PRDM15: variants seen among roughly 807,000 people sequenced by gnomAD.
PRDM15 encodes the protein PR/SET domain 15.
A neutral mutation model predicts 128.6 loss-of-function variants in PRDM15; 64 were observed. The ratio of observed to expected loss-of-function variants is 0.50; its 90% CI spans 0.41 to 0.61. The LOEUF is 0.61. PRDM15 is among the 20% of genes least tolerant of loss of function. The pLI, the probability that PRDM15 is intolerant of heterozygous loss-of-function variation, is 0.00. For missense variants in PRDM15, 1,242 were observed against 1,569.1 expected (o/e 0.79, Z 3.52); for synonymous variants, 615 against 621.8 (o/e 0.99, Z 0.16).
rs2063850790 is a variant in PRDM15, at chr21:41,862,463, A to G, written c.-9-2091T>C. Among the ~76,000 whole-genome samples the G allele has an allele frequency of 6.6e-6, 1 of 152,128 alleles. No individual in the cohort carries two copies. The highest frequency in any genetic ancestry group is 2.1e-4 in the South Asian group (1 of 4,824). On this transcript the variant is annotated intron_variant, in intron 1 of 23. Transcript: ENST00000398548. This position sits in a 1 kb window ranked among gnomAD's most constrained non-coding sequence, Gnocchi z 4.1. Reference sequence around the variant, plus strand: ...CACCCCTTCTAGGTGCCCCCAAAAAAGGTCCCCTCTGAGCGGAGCTGCTGG... The same window carrying G: ...CACCCCTTCTAGGTGCCCCCAAAAAGGGTCCCCTCTGAGCGGAGCTGCTGG...
In PRDM15 at chr21:41,819,704, G is replaced by A. The variant is rs1354988283; in HGVS notation, c.2141-3C>T. 1.3e-6 allele frequency: 2 copies of A among 1,596,812 alleles called. No individual in the cohort carries two copies. The highest frequency in any genetic ancestry group is 1.1e-5 in the South Asian group (1 of 89,232). On this transcript the variant is annotated splice_polypyrimidine_tract_variant and splice_region_variant and intron_variant, in intron 17 of 23. Transcript: ENST00000398548. ...CTCGCAGGCGTGGCTCTTCACACCT[G>A]AGAACACAGGCATCTGCCACTCAGA...
At position 41,839,662 on chromosome 21, in the gene PRDM15, C is replaced by T. The variant is rs776498158; in HGVS notation, c.832G>A (p.Glu278Lys). 5.0e-6 allele frequency: 8 copies of T among 1,614,128 alleles called. No individual in the cohort carries two copies. Among genetic ancestry groups the T allele is most frequent in the Middle Eastern group, 1.6e-4 (1 of 6,084 alleles). ...RGRKPKVSKA[E>K]QPLVIVEDKE... is the part of the protein sequence containing the mutation. ...TCTTCCACGATGACTAGAGGCTGCT[C>T]AGCTTTGGACACTTTGGGTTTTCTC... Residue 278 changes from glutamate to lysine, a missense_variant, in exon 7 of 24, where the codon GAG (glutamate) becomes AAG (lysine). Physicochemically the swap from Glu to Lys is moderately conservative, Grantham distance 56. Around this residue, in one of 3 missense-constraint regions of PRDM15, gnomAD observed 612 missense variants for 717.0 expected, o/e 0.85. Transcript: ENST00000398548.
rs2061865560 is a variant in PRDM15 at position 41,811,630 on chromosome 21, CAG to C, written c.2393-796_2393-795del. The stretch of plus-strand genomic sequence containing the variant: ...CATCACTGCACTCCAGCATGAGCAA[CAG>C]AGAGACCCCATCTCTAACAACAGAA... On this transcript the variant is annotated intron_variant, in intron 19 of 23. Transcript: ENST00000398548. This position sits in a 1 kb window ranked among gnomAD's most constrained non-coding sequence, Gnocchi z 4.1. 6.6e-6 allele frequency: 1 copy of C among 151,726 alleles called. No individual in the cohort carries two copies. The highest frequency in any genetic ancestry group is 6.6e-5 in the Admixed American group (1 of 15,242). The allele number at this position is 151,726 out of a possible 1,614,324, so 9.4% of individuals were successfully genotyped here. A position where few individuals can be genotyped will look rare whatever the true frequency, so the allele number is the denominator to read the frequency against.
At chr21:41,831,830 A>ACATCC (rs1274796552) in intron 11 of PRDM15, among the ~76,000 whole-genome samples, 1 of 152,120 alleles carries the variant, frequency 6.6e-6, no homozygotes, top group Non-Finnish European at 1.5e-5. Context: ...TTCTCTGCCC[A>ACATCC]CATCCCACCC....
intron 10 of PRDM15, 88 bp downstream of exon 10, chr21:41,836,025 T>C (rs1406996518): frequency 1.7e-6 from 1 of 591,120 alleles, no homozygotes; most frequent in Non-Finnish European, 2.7e-6. Flanking sequence ...CCTGGGATTC[T>C]TTCTTCTCAT....
chr21:41,856,256 C>CCCCT (rs1212412984), intron 4 of PRDM15, among the ~76,000 whole-genome samples: 1 of 5,552 alleles, frequency 1.8e-4, no homozygotes, highest in Non-Finnish European at 3.7e-4. Flanking sequence ...TTCCCTCCCT[C>CCCCT]CCCTCCCTTC....
chr21:41,839,760 C>G lies in PRDM15; in HGVS notation c.734G>C (p.Arg245Pro), dbSNP rs201057462. The G allele has an allele frequency of 8.1e-6, 13 of 1,614,142 alleles. No individual in the cohort carries two copies. Among genetic ancestry groups the G allele is most frequent in the Non-Finnish European group, 8.5e-7 (1 of 1,180,058 alleles). The change falls in exon 7 of 24, where the codon CGG becomes CCG. Residue 245 changes from arginine (R) to proline (P), a missense_variant. By Grantham distance (103) the Arg-to-Pro change is moderately radical. Transcript: ENST00000398548. Reference sequence around the variant, plus strand: ...CTCGGGCACTGCAGGGGGTTCCCCCCGGGGTGTGTCCTGCTCCTTCTCGGG... The same window carrying G: ...CTCGGGCACTGCAGGGGGTTCCCCCGGGGGTGTGTCCTGCTCCTTCTCGGG... ...AAPEKEQDTP[R>P]GEPPAVPESE...
At position 41,828,460 on chromosome 21, in the gene PRDM15, C is replaced by T; in HGVS notation, c.1367-127G>A. 1 of 936,474 alleles carries T rather than the reference C, an allele frequency of 1.1e-6. No homozygotes were observed. Among genetic ancestry groups the T allele is most frequent in the Admixed American group, 1.8e-5 (1 of 55,914 alleles). 58.0% of individuals were successfully genotyped at this position (936,474 alleles called of 1,614,324 possible). A position where few individuals can be genotyped will look rare whatever the true frequency, so the allele number is the denominator to read the frequency against. On this transcript the variant is annotated intron_variant, in intron 11 of 23. Coordinates refer to ENST00000398548, the MANE Select transcript of PRDM15 (RefSeq NM_001040424.3). The surrounding 1 kb of genome is among the most constrained non-coding windows in gnomAD (Gnocchi z 5.7). Reference sequence around the variant, plus strand: ...CATGAGAGTCACGGGGATGCGTGGCCAGGAAGAAAACAGCACCTGTGTGTC... The same window carrying T: ...CATGAGAGTCACGGGGATGCGTGGCTAGGAAGAAAACAGCACCTGTGTGTC...
chr21:41,836,651 T>C lies in PRDM15; in HGVS notation c.1002-2A>G. 6.3e-7 allele frequency: 1 copy of C among 1,582,010 alleles called. No individual in the cohort carries two copies. Among genetic ancestry groups the C allele is most frequent in the East Asian group, 2.3e-5 (1 of 43,832 alleles). ...GTGTTATTCTGATGATGGGTGAACC[T>C]GCCCAGGGACGTCAATAAGTTGGGA... On this transcript the variant is annotated splice_acceptor_variant, in intron 8 of 23. Transcript: ENST00000398548. LOFTEE classifies it high-confidence loss of function.
At chr21:41,818,091 C>T (rs552164411) in intron 18 of PRDM15, among the ~76,000 whole-genome samples, 37 of 152,310 alleles carry the variant, frequency 2.4e-4, no homozygotes, top group Admixed American at 2.4e-3. Flanking sequence ...CCTGTCTCTA[C>T]GCGCTACTCA....
chr21:41,827,879 C>T (rs1414037579), intron 12 of PRDM15, among the ~76,000 whole-genome samples: 2 of 152,140 alleles, frequency 1.3e-5, no homozygotes, highest in Admixed American at 6.5e-5. Flanking sequence ...CTGGACCCCA[C>T]AAATCGTCCA....
Position 41,835,962 on chromosome 21 carries a change from AG to A in PRDM15, c.1278+150del. 8.5e-4 allele frequency: 106 copies of A among 124,740 alleles called. 1 individual carries two copies. The highest frequency in any genetic ancestry group is 2.6e-3 in the Middle Eastern group (1 of 380). The allele number at this position is 124,740 out of a possible 1,614,324, so 7.7% of individuals were successfully genotyped here. ...TTGGCCGCTCTCCTCCCTCCCCCAC[AG>A]CCCCCGCCCACTCTCCTCCCTCCCC... On this transcript the variant is annotated intron_variant, in intron 10 of 23. Transcript: ENST00000398548.
At chr21:41,837,082 T>C (rs7279917) in intron 8 of PRDM15, 105,552 of 152,886 alleles carry the variant, frequency 0.69, 36,598 homozygotes, top group Admixed American at 0.74. Flanking sequence ...GGCAATAAGA[T>C]AAAGTATAAA....
Position 41,858,913 on chromosome 21 carries a change from G to A in PRDM15, c.131+679C>T, listed in dbSNP as rs531261059. 112 of 740,666 alleles carry A rather than the reference G, an allele frequency of 1.5e-4. No homozygotes were observed. In the African/African-American group the frequency reaches 1.8e-3, roughly 12 times the overall value. The allele number at this position is 740,666 out of a possible 1,614,324, so 45.9% of individuals were successfully genotyped here. A position where few individuals can be genotyped will look rare whatever the true frequency, so the allele number is the denominator to read the frequency against. ...AGTTCTGGAAAGACGGCGGCCACCT[G>A]TGCAGCGGCAGCACGTGCCAGGTAC... On this transcript the variant is annotated intron_variant, in intron 3 of 23. Transcript: ENST00000398548.
Position 41,854,432 on chromosome 21 carries a change from C to CA in PRDM15, c.538+133dup. ...AGACAGACCCGACTCTCCACTCCTCCACTCTCCGCATCCCAGCAGCTGGCC... is the reference window on the plus strand; with the variant it reads ...AGACAGACCCGACTCTCCACTCCTCCAACTCTCCGCATCCCAGCAGCTGGCC... On this transcript the variant is annotated intron_variant, in intron 5 of 23. Transcript: ENST00000398548. This position sits in a 1 kb window ranked among gnomAD's most constrained non-coding sequence, Gnocchi z 4.6. 2 of 1,152,132 alleles carry CA rather than the reference C, an allele frequency of 1.7e-6. No individual in the cohort carries two copies. The highest frequency in any genetic ancestry group is 2.4e-6 in the Non-Finnish European group (2 of 824,998). The allele number at this position is 1,152,132 out of a possible 1,614,324, so 71.4% of individuals were successfully genotyped here.
Position 41,832,614 on chromosome 21 carries a change from A to T in PRDM15, c.1366+2823T>A, listed in dbSNP as rs1335739958. Among the ~76,000 whole-genome samples the T allele has an allele frequency of 6.6e-6, 1 of 152,106 alleles. No homozygotes were observed. The highest frequency in any genetic ancestry group is 1.5e-5 in the Non-Finnish European group (1 of 68,004). ...TGAGCCTCCCTCCCAGCCAGGCACT[A>T]AAGAGCACAGGTGAGCCTCCCTCCC... On this transcript the variant is annotated intron_variant, in intron 11 of 23. Coordinates refer to ENST00000398548, the MANE Select transcript of PRDM15 (RefSeq NM_001040424.3). The surrounding 1 kb of genome is among the most constrained non-coding windows in gnomAD (Gnocchi z 4.2).
intron 6 of PRDM15, among the ~76,000 whole-genome samples, chr21:41,846,553 T>C (rs921722313): frequency 2.7e-4 from 41 of 152,296 alleles, no homozygotes; most frequent in Middle Eastern, 3.4e-3. Context: ...AGAAGTTTGC[T>C]GGGCGTGGTG....
chr21:41,825,441 T>C (rs1187404917), intron 13 of PRDM15, among the ~76,000 whole-genome samples: 1 of 152,270 alleles, frequency 6.6e-6, no homozygotes, highest in East Asian at 1.9e-4. Flanking sequence ...CTCCCATGGA[T>C]GACATCACCC....
Position 41,809,234 on chromosome 21 carries a change from C to CTT in PRDM15, c.2652+918_2652+919dup, listed in dbSNP as rs71332340. Among the ~76,000 whole-genome samples, 618 of 135,698 alleles carry CTT rather than the reference C, an allele frequency of 4.6e-3. 7 individuals are homozygous for CTT. Among genetic ancestry groups the CTT allele is most frequent in the South Asian group, 0.01 (44 of 4,276 alleles). The allele number at this position is 135,698 out of a possible 152,430, so 89.0% of individuals were successfully genotyped here. ...CAGCCATGGCCTATGCAAATTTTTT[C>CTT]TTTTTTTTTTTTTTTTGAGATGGAA... On this transcript the variant is annotated intron_variant, in intron 21 of 23. Coordinates refer to ENST00000398548, the MANE Select transcript of PRDM15 (RefSeq NM_001040424.3).
Sources: gnomAD v4.1 joint callset for allele counts (sites outside exome capture counted in the v4.1 genomes callset) on GRCh38, gnomAD v4.1.1 for gene constraint, gnomAD v4.1.1 regional missense constraint, Gnocchi (gnomAD v3.1) non-coding constraint, MANE v1.5 for transcripts, NCBI Gene and HGNC (gene_info 2026-07-23, HGNC 2026-07-21) for gene names.